Variants in PANK2 observed in about 807,000 individuals in gnomAD.
PANK2 encodes pantothenate kinase 2, also known as pantothenate kinase 2, mitochondrial.
A neutral mutation model predicts 43.1 loss-of-function variants in PANK2; 36 were observed. That is an observed-to-expected ratio of 0.84 (90% CI 0.64 to 1.10). PANK2 has a LOEUF of 1.10. Among genes scored for constraint, PANK2 ranks in the 50% least tolerant of loss-of-function variants. The pLI is 0.00. For missense variants in PANK2, 576 were observed against 593.3 expected, an observed-to-expected ratio of 0.97 and a Z score of 0.30; for synonymous variants, 281 against 238.2, an observed-to-expected ratio of 1.18 and a Z score of -1.66.
chr20:3,894,782 C>CT lies in PANK2; in HGVS notation c.298+5055dup, dbSNP rs149251097. The stretch of plus-strand genomic sequence containing the variant: ...TAAGTGGAACCAAAGTAAATACAGC[C>CT]TGTCTTCTTAGATATATAATAAATA... On this transcript the variant is annotated intron_variant, in intron 1 of 6. Coordinates refer to ENST00000610179, the MANE Select transcript of PANK2 (RefSeq NM_001386393.1). Among the ~76,000 whole-genome samples the CT allele has an allele frequency of 4.8e-3, 736 of 152,206 alleles. 5 individuals are homozygous for CT. The highest frequency in any genetic ancestry group is 0.014 in the Middle Eastern group (4 of 294).
At chr20:3,889,159 C>A (rs867957905), upstream of PANK2, 1 of 1,596,986 alleles carries the variant, frequency 6.3e-7, no homozygotes, top group Non-Finnish European at 8.5e-7. Context: ...CCATCACTCT[C>A]TTCTGGGCTA....
chr20:3,892,553 C>T (rs541295009), intron 1 of PANK2, among the ~76,000 whole-genome samples: 17 of 150,670 alleles, frequency 1.1e-4, no homozygotes, highest in Admixed American at 3.3e-4. Context: ...GACGCGTGCC[C>T]GTAGTCGCAG....
chr20:3,912,641 G>A lies in PANK2; in HGVS notation c.1082+7G>A. ...GCTGGGCTGTGGCTTCAAGGTAAGG[G>A]GGCATGTGTGTTCTAAGAAATACAG... On this transcript the variant is annotated splice_region_variant and intron_variant, in intron 4 of 6. Coordinates refer to ENST00000610179, the MANE Select transcript of PANK2 (RefSeq NM_001386393.1). 1 of 1,613,568 alleles carries A rather than the reference G, an allele frequency of 6.2e-7. No homozygotes were observed. Among genetic ancestry groups the A allele is most frequent in the Non-Finnish European group, 8.5e-7 (1 of 1,179,644 alleles).
At chr20:3,916,505 GTGCTTTACTC>G (rs2090562208) in intron 4 of PANK2, among the ~76,000 whole-genome samples, 1 of 152,198 alleles carries the variant, frequency 6.6e-6, no homozygotes, top group South Asian at 2.1e-4. Flanking sequence ...TCAGCTGTCT[GTGCTTTACTC>G]TGCTCTGATA....
chr20:3,910,441 T>C, intron 2 of PANK2, 136 bp from the exon 3 acceptor site: 1 of 1,009,060 alleles, frequency 9.9e-7, no homozygotes, highest in Non-Finnish European at 1.5e-6. Context: ...ATCTGTTCTG[T>C]AAAGCATGCA....
In PANK2 at chr20:3,928,597, A is replaced by C. The variant is rs879513747; in HGVS notation, c.*5303A>C. 6.6e-6 allele frequency: 1 copy of C among 151,800 alleles called. No individual in the cohort carries two copies. The highest frequency in any genetic ancestry group is 1.5e-5 in the Non-Finnish European group (1 of 67,954). The allele number at this position is 151,800 out of a possible 1,614,324, so 9.4% of individuals were successfully genotyped here. On this transcript the variant is annotated 3_prime_UTR_variant, in exon 7 of 7. Coordinates refer to ENST00000610179, the MANE Select transcript of PANK2 (RefSeq NM_001386393.1). ...ACGGTGAAACTCCGTCTGTACTAAAAATACAAAAAATTAGCCGAGCGTGGT... is the reference window on the plus strand; with the variant it reads ...ACGGTGAAACTCCGTCTGTACTAAACATACAAAAAATTAGCCGAGCGTGGT...
At chr20:3,912,346 T>C in intron 3 of PANK2, 112 bp from the exon 4 acceptor site, 6 of 1,163,340 alleles carry the variant, frequency 5.2e-6, no homozygotes, top group Non-Finnish European at 7.7e-6. Context: ...ACCAGTGGCA[T>C]TTGCATGATT....
chr20:3,918,912 TTTTG>T, intron 6 of PANK2, 116 bp downstream of exon 6: 1 of 1,556,970 alleles, frequency 6.4e-7, no homozygotes, highest in Non-Finnish European at 8.9e-7. Context: ...TTCTTTTGTT[TTTTG>T]TTTTTTTGAG....
chr20:3,903,966 G>A lies in PANK2; in HGVS notation c.299-3960G>A, dbSNP rs927024953. On this transcript the variant is annotated intron_variant, in intron 1 of 6. Coordinates refer to ENST00000610179, the MANE Select transcript of PANK2 (RefSeq NM_001386393.1). Reference sequence around the variant, plus strand: ...TTTAGTACATATGTTTAGTACATACGTACATACTTTAGTACAATATGATTT... The same window carrying A: ...TTTAGTACATATGTTTAGTACATACATACATACTTTAGTACAATATGATTT... Among the ~76,000 whole-genome samples the A allele has an allele frequency of 9.2e-5, 14 of 151,716 alleles. 1 individual carries two copies. Among genetic ancestry groups the A allele is most frequent in the Admixed American group, 8.6e-4 (13 of 15,150 alleles).
chr20:3,899,692 C>A (rs2090268522), intron 1 of PANK2, among the ~76,000 whole-genome samples: 1 of 143,948 alleles, frequency 6.9e-6, no homozygotes, highest in Non-Finnish European at 1.5e-5. Context: ...CTATTACATT[C>A]ATCAGTTGTA....
chr20:3,898,350 C>G (rs1469180300), intron 1 of PANK2, among the ~76,000 whole-genome samples: 1 of 152,058 alleles, frequency 6.6e-6, no homozygotes, highest in Non-Finnish European at 1.5e-5. Flanking sequence ...CAGGCGCCCA[C>G]CACCATGCCT....
chr20:3,914,229 T>G (rs1464804369), intron 4 of PANK2, among the ~76,000 whole-genome samples: 5 of 152,212 alleles, frequency 3.3e-5, no homozygotes, highest in East Asian at 3.9e-4. Context: ...CTTAGCAGTT[T>G]ATGAGCGTTT....
chr20:3,893,933 T>G (rs867339117), intron 1 of PANK2, among the ~76,000 whole-genome samples: 6 of 22,602 alleles, frequency 2.7e-4, no homozygotes, highest in Admixed American at 6.8e-4. Flanking sequence ...TGTTTTTTGT[T>G]TTTTTTTTTT....
chr20:3,896,996 G>A (rs2090219873), intron 1 of PANK2, among the ~76,000 whole-genome samples: 1 of 152,188 alleles, frequency 6.6e-6, no homozygotes, highest in Non-Finnish European at 1.5e-5. Flanking sequence ...TGGTGGAGGA[G>A]CAGTCTTGAG....
intron 4 of PANK2, among the ~76,000 whole-genome samples, chr20:3,913,953 T>A (rs1361471854): frequency 6.6e-6 from 1 of 151,754 alleles, no homozygotes; most frequent in Non-Finnish European, 1.5e-5. Flanking sequence ...CACGCCCGGC[T>A]ATTTTTTTTG....
In PANK2 at chr20:3,916,945, C is replaced by A; in HGVS notation, c.1101C>A (p.Ser367Arg). 1 of 1,613,966 alleles carries A rather than the reference C, an allele frequency of 6.2e-7. No homozygotes were observed. Among genetic ancestry groups the A allele is most frequent in the South Asian group, 1.1e-5 (1 of 91,076 alleles). The change falls in exon 5 of 7, where the codon AGC becomes AGA. Residue 367 changes from serine (S) to arginine (R), a missense_variant. By Grantham distance (110) the Ser-to-Arg change is moderately radical. Coordinates refer to ENST00000610179, the MANE Select transcript of PANK2 (RefSeq NM_001386393.1). ...ATCACAGCTTTGGAAACATGATGAG[C>A]AAGGAGAAGCGAGAGGCTGTCAGTA...
chr20:3,902,484 G>A (rs1377705928), intron 1 of PANK2, among the ~76,000 whole-genome samples: 2 of 151,536 alleles, frequency 1.3e-5, no homozygotes, highest in African/African-American at 4.8e-5. Flanking sequence ...TCATCATGTT[G>A]GCCTGGCTGG....
Position 3,925,722 on chromosome 20 carries a change from C to A in PANK2, c.*2428C>A, listed in dbSNP as rs2090710397. ...TGTCCTCAGCCTCAGTCCTGGGTCT[C>A]CCCAAGCAGTCATTAGCATCACCTT... is the stretch of plus-strand genomic sequence containing the variant. On this transcript the variant is annotated 3_prime_UTR_variant, in exon 7 of 7. Coordinates refer to ENST00000610179, the MANE Select transcript of PANK2 (RefSeq NM_001386393.1). 1 of 152,252 alleles carries A rather than the reference C, an allele frequency of 6.6e-6. No individual in the cohort carries two copies. Among genetic ancestry groups the A allele is most frequent in the Admixed American group, 6.5e-5 (1 of 15,280 alleles). The allele number at this position is 152,252 out of a possible 1,614,324, so 9.4% of individuals were successfully genotyped here. A position where few individuals can be genotyped will look rare whatever the true frequency, so the allele number is the denominator to read the frequency against.
At chr20:3,899,998 C>G (rs1267208870) in intron 1 of PANK2, among the ~76,000 whole-genome samples, 1 of 151,848 alleles carries the variant, frequency 6.6e-6, no homozygotes, top group Non-Finnish European at 1.5e-5. Context: ...GCCACTGTGC[C>G]TGGCCCATCA....
Sources: gnomAD v4.1 joint callset for allele counts (sites outside exome capture counted in the v4.1 genomes callset) on GRCh38, gnomAD v4.1.1 for gene constraint, MANE v1.5 for transcripts, NCBI Gene and HGNC (gene_info 2026-07-23, HGNC 2026-07-21) for gene names.